RBFOX3: variants seen among roughly 807,000 people sequenced by gnomAD.
RBFOX3 encodes the protein RNA binding protein fox-1 homolog 3.
RBFOX3 carries 17 observed loss-of-function variants against 48.7 expected under a neutral mutation model. The ratio of observed to expected loss-of-function variants is 0.35; its 90% CI spans 0.24 to 0.52. The LOEUF is 0.52. Among genes scored for constraint, RBFOX3 ranks in the 20% least tolerant of loss-of-function variants. The pLI, the probability that RBFOX3 is intolerant of heterozygous loss-of-function variation, is 0.94. For synonymous variants in RBFOX3, 212 were observed against 209.5 expected (o/e 1.01, Z -0.10); for missense variants, 382 against 497.5 (o/e 0.77, Z 2.21).
intron 2 of RBFOX3, among the ~76,000 whole-genome samples, chr17:79,340,735 A>T (rs2081959880): frequency 6.7e-6 from 1 of 149,086 alleles, no homozygotes; most frequent in Non-Finnish European, 1.5e-5. Flanking sequence ...AAAAAAAAGT[A>T]AGGAAAAGAA....
At chr17:79,637,365 A>G in the RBFOX3 span, among the ~76,000 whole-genome samples, 2 of 152,162 alleles carry the variant, frequency 1.3e-5, no homozygotes, top group African/African-American at 4.8e-5. Flanking sequence ...TCTCAAGTGC[A>G]CTTGGAACAT....
In RBFOX3 at chr17:79,204,252, C is replaced by G. The variant is rs924632320; in HGVS notation, c.-34+31514G>C. ...CCACACACCCAAAAAGCTCCAAGAC[C>G]CAGTGGATACACACCAGTGGACGCC... On this transcript the variant is annotated intron_variant, in intron 4 of 14. Coordinates refer to ENST00000693108, the MANE Select transcript of RBFOX3 (RefSeq NM_001350451.2). This position sits in a 1 kb window ranked among gnomAD's most constrained non-coding sequence, Gnocchi z 4.5. Among the ~76,000 whole-genome samples the G allele has an allele frequency of 6.6e-6, 1 of 152,190 alleles. No homozygotes were observed. Among genetic ancestry groups the G allele is most frequent in the Non-Finnish European group, 1.5e-5 (1 of 68,038 alleles).
At chr17:79,425,753 G>A (rs746787727) in intron 2 of RBFOX3, among the ~76,000 whole-genome samples, 1 of 152,002 alleles carries the variant, frequency 6.6e-6, no homozygotes, top group Non-Finnish European at 1.5e-5. Flanking sequence ...TGAAGGGACA[G>A]AGCGGGAGAT....
intron 2 of RBFOX3, among the ~76,000 whole-genome samples, chr17:79,336,371 A>G (rs2081189309): frequency 6.6e-6 from 1 of 151,658 alleles, no homozygotes; most frequent in African/African-American, 2.4e-5. Context: ...TGGGCGACAG[A>G]GTGAGATTTC....
intron 8 of RBFOX3, among the ~76,000 whole-genome samples, chr17:79,102,235 G>A (rs545373069): frequency 6.6e-6 from 1 of 152,202 alleles, no homozygotes; most frequent in Non-Finnish European, 1.5e-5. Flanking sequence ...GCTGTCCAGG[G>A]GCAGCCTGGG....
intron 9 of RBFOX3, 34 bp downstream of exon 9, chr17:79,101,550 C>G: frequency 6.5e-7 from 1 of 1,537,024 alleles, no homozygotes. Context: ...AGCCAGTGAC[C>G]CCAGCAGCCT....
intron 2 of RBFOX3, among the ~76,000 whole-genome samples, chr17:79,406,615 C>T (rs1183069365): frequency 6.6e-6 from 1 of 152,210 alleles, no homozygotes; most frequent in Non-Finnish European, 1.5e-5. Flanking sequence ...CCCTCCATTT[C>T]CTTTCACGCC....
At chr17:79,399,032 C>G (rs1296308462) in intron 2 of RBFOX3, among the ~76,000 whole-genome samples, 1 of 152,156 alleles carries the variant, frequency 6.6e-6, no homozygotes, top group African/African-American at 2.4e-5. Flanking sequence ...GAGAGAAGGA[C>G]GCATGACGGC....
intron 2 of RBFOX3, among the ~76,000 whole-genome samples, chr17:79,399,461 C>A (rs183610906): frequency 3.3e-5 from 5 of 152,048 alleles, no homozygotes; most frequent in Admixed American, 6.6e-5. Context: ...CTGCAGGTTC[C>A]ATGTGGAGGG....
chr17:79,656,808 AAAGAAAG>A, the RBFOX3 span, among the ~76,000 whole-genome samples: 51 of 7,036 alleles, frequency 7.2e-3, no homozygotes, highest in East Asian at 0.032. Flanking sequence ...GAAAGAAAGA[AAAGAAAG>A]AGAAAGAAAG....
At chr17:79,393,996 G>C (rs952718015) in intron 2 of RBFOX3, among the ~76,000 whole-genome samples, 1 of 151,098 alleles carries the variant, frequency 6.6e-6, no homozygotes, top group African/African-American at 2.4e-5. Flanking sequence ...GCACATCTGA[G>C]TCTGTCCCCG....
At chr17:79,466,648 T>C (rs1439097561) in intron 2 of RBFOX3, among the ~76,000 whole-genome samples, 1 of 152,168 alleles carries the variant, frequency 6.6e-6, no homozygotes, top group Non-Finnish European at 1.5e-5. Flanking sequence ...ATTGGCCTAT[T>C]ATATAATGAA....
At chr17:79,446,442 G>A (rs1034876735) in intron 2 of RBFOX3, among the ~76,000 whole-genome samples, 1 of 152,192 alleles carries the variant, frequency 6.6e-6, no homozygotes, top group African/African-American at 2.4e-5. Context: ...GAGGCAGGAG[G>A]TGGAACTTGA....
At chr17:79,260,248 G>T (rs1298372632) in intron 3 of RBFOX3, among the ~76,000 whole-genome samples, 2 of 152,010 alleles carry the variant, frequency 1.3e-5, no homozygotes, top group African/African-American at 4.8e-5. Flanking sequence ...AGCTGTCGGG[G>T]ACCCCCTGCC....
At chr17:79,357,073 T>A (rs2085289559) in intron 2 of RBFOX3, among the ~76,000 whole-genome samples, 1 of 152,212 alleles carries the variant, frequency 6.6e-6, no homozygotes, top group Admixed American at 6.5e-5. Context: ...TCCTGCTCTG[T>A]CCTAGCCCCA....
In RBFOX3 at chr17:79,471,762, C is replaced by T. The variant is rs1196316374; in HGVS notation, c.-175+10692G>A. Among the ~76,000 whole-genome samples the T allele has an allele frequency of 6.6e-6, 1 of 152,190 alleles. No homozygotes were observed. The highest frequency in any genetic ancestry group is 1.5e-5 in the Non-Finnish European group (1 of 68,020). ...GGCGTGTGCAGAGCCTGGGTGGACG[C>T]AGGCAGGTTAGCTATCCCAGCCCTA... On this transcript the variant is annotated intron_variant, in intron 2 of 14. Coordinates refer to ENST00000693108, the MANE Select transcript of RBFOX3 (RefSeq NM_001350451.2). This position sits in a 1 kb window ranked among gnomAD's most constrained non-coding sequence, Gnocchi z 4.0.
chr17:79,547,476 A>AC (rs2090603519), intron 1 of RBFOX3, among the ~76,000 whole-genome samples: 121 of 152,224 alleles, frequency 7.9e-4, no homozygotes, highest in African/African-American at 2.3e-3. Context: ...AAAAACAAAA[A>AC]AACTGTTGCT....
chr17:79,117,068 G>A (rs146248965), intron 4 of RBFOX3, among the ~76,000 whole-genome samples: 32 of 152,276 alleles, frequency 2.1e-4, no homozygotes, highest in East Asian at 1.9e-3. Context: ...AGGTGCAGGC[G>A]GAGGCGGCAG....
intron 2 of RBFOX3, among the ~76,000 whole-genome samples, chr17:79,446,073 T>C (rs959306026): frequency 2.0e-5 from 3 of 152,150 alleles, no homozygotes; most frequent in Non-Finnish European, 4.4e-5. Flanking sequence ...ATGTCAACAG[T>C]GCTGAGGTTT....
Sources: gnomAD v4.1 joint callset for allele counts (sites outside exome capture counted in the v4.1 genomes callset) on GRCh38, gnomAD v4.1.1 for gene constraint, Gnocchi (gnomAD v3.1) non-coding constraint, MANE v1.5 for transcripts, NCBI Gene and HGNC (gene_info 2026-07-23, HGNC 2026-07-21) for gene names.